Variants in DNAJC1 observed in about 807,000 individuals in gnomAD.
The protein encoded by DNAJC1 is dnaJ homolog subfamily C member 1.
Under a neutral mutation model 76.6 loss-of-function variants are expected in DNAJC1, and 58 were observed. The ratio of observed to expected loss-of-function variants is 0.76; its 90% CI spans 0.61 to 0.94. The LOEUF is 0.94. Ranked by LOEUF, DNAJC1 falls within the 40% of genes least tolerant of loss-of-function variation. The pLI is 0.00. For synonymous variants in DNAJC1, 258 were observed against 267.9 expected, an observed-to-expected ratio of 0.96 and a Z score of 0.36; for missense variants, 689 against 677.3, an observed-to-expected ratio of 1.02 and a Z score of -0.19.
At chr10:21,905,482 T>C (rs571434762) in intron 6 of DNAJC1, among the ~76,000 whole-genome samples, 1 of 152,292 alleles carries the variant, frequency 6.6e-6, no homozygotes, top group Admixed American at 6.5e-5. Flanking sequence ...CTGGCTACAA[T>C]ATTGTACTTC....
At chr10:21,899,121 T>C (rs1300940587) in intron 7 of DNAJC1, among the ~76,000 whole-genome samples, 3 of 152,052 alleles carry the variant, frequency 2.0e-5, no homozygotes, top group African/African-American at 7.2e-5. Context: ...CTCTCACATA[T>C]CTATGCAATC....
At chr10:21,782,858 T>C (rs1834551340) in intron 9 of DNAJC1, among the ~76,000 whole-genome samples, 1 of 152,208 alleles carries the variant, frequency 6.6e-6, no homozygotes, top group South Asian at 2.1e-4. Flanking sequence ...CAACCCTTCA[T>C]GCTAAAAACT....
At chr10:21,939,963 A>G (rs536399963) in intron 1 of DNAJC1, among the ~76,000 whole-genome samples, 7 of 149,516 alleles carry the variant, frequency 4.7e-5, no homozygotes, top group South Asian at 4.2e-4. Flanking sequence ...AAAAAAAAAA[A>G]GCAGCAAAAA....
intron 1 of DNAJC1, among the ~76,000 whole-genome samples, chr10:21,936,618 A>C (rs889440937): frequency 6.6e-6 from 1 of 152,106 alleles, no homozygotes. Flanking sequence ...AACATTTTTT[A>C]TTTTCTTTGT....
intron 9 of DNAJC1, among the ~76,000 whole-genome samples, chr10:21,790,155 A>G (rs1238647961): frequency 6.6e-6 from 1 of 151,250 alleles, no homozygotes; most frequent in Non-Finnish European, 1.5e-5. Context: ...AAAAATCAAA[A>G]AAGTAAAAAA....
intron 8 of DNAJC1, among the ~76,000 whole-genome samples, chr10:21,834,864 G>A (rs1156770621): frequency 2.0e-5 from 3 of 152,228 alleles, no homozygotes. Context: ...ACAGCTCAAG[G>A]ACGCCTGCCT....
intron 8 of DNAJC1, among the ~76,000 whole-genome samples, chr10:21,827,547 A>T (rs749193246): frequency 1.3e-5 from 2 of 152,182 alleles, no homozygotes; most frequent in Non-Finnish European, 2.9e-5. Flanking sequence ...TCTGTTCCAC[A>T]ACTCTCTCCT....
At chr10:21,811,103 C>T (rs1004450848) in intron 8 of DNAJC1, among the ~76,000 whole-genome samples, 2 of 152,144 alleles carry the variant, frequency 1.3e-5, no homozygotes, top group Non-Finnish European at 2.9e-5. Context: ...TGACCTCCTC[C>T]GCTGAGGAGA....
chr10:21,852,266 C>T (rs1459792248), intron 8 of DNAJC1, among the ~76,000 whole-genome samples: 2 of 151,922 alleles, frequency 1.3e-5, no homozygotes, highest in South Asian at 2.1e-4. Flanking sequence ...ATATTCAGAA[C>T]AGGTAAATTC....
chr10:21,832,707 T>C (rs867573780), intron 8 of DNAJC1, among the ~76,000 whole-genome samples: 4 of 152,204 alleles, frequency 2.6e-5, no homozygotes, highest in South Asian at 2.1e-4. Flanking sequence ...ACTAAGACTA[T>C]TGCAAAAATC....
chr10:21,923,240 T>C (rs989860740), intron 3 of DNAJC1, among the ~76,000 whole-genome samples: 3 of 151,942 alleles, frequency 2.0e-5, no homozygotes, highest in African/African-American at 7.2e-5. Context: ...TGAACTATAT[T>C]ATAGCTCACA....
At chr10:21,817,416 C>T (rs1000510608) in intron 8 of DNAJC1, among the ~76,000 whole-genome samples, 1 of 151,994 alleles carries the variant, frequency 6.6e-6, no homozygotes, top group Non-Finnish European at 1.5e-5. Flanking sequence ...GACTTGTAGT[C>T]CTTGTATTTT....
intron 8 of DNAJC1, among the ~76,000 whole-genome samples, chr10:21,817,159 CAAAAAA>C (rs1194285168): frequency 3.3e-5 from 2 of 59,906 alleles, no homozygotes; most frequent in African/African-American, 1.4e-4. Context: ...GATTCCGTCT[CAAAAAA>C]AAAAAAAAAA....
intron 7 of DNAJC1, among the ~76,000 whole-genome samples, chr10:21,902,123 C>T (rs540395524): frequency 6.6e-6 from 1 of 152,076 alleles, no homozygotes; most frequent in Non-Finnish European, 1.5e-5. Context: ...TGCAAGATAA[C>T]AATCTTATTA....
chr10:21,849,939 C>G (rs1835726393), intron 8 of DNAJC1, among the ~76,000 whole-genome samples: 1 of 152,004 alleles, frequency 6.6e-6, no homozygotes, highest in Admixed American at 6.6e-5. Context: ...TTAAAACACC[C>G]AATAAAGTAG....
rs766911940 is a variant in DNAJC1, at chr10:22,003,200, C to T, written c.222+13G>A. 6.5e-7 allele frequency: 1 copy of T among 1,539,396 alleles called. No homozygotes were observed. Among genetic ancestry groups the T allele is most frequent in the Admixed American group, 1.9e-5 (1 of 51,780 alleles). ...GCCCCTCTCCGCCCGGCCCCGCGCG[C>T]CTCCTTGCTTACCTGCTGCACCCCG... On this transcript the variant is annotated intron_variant, in intron 1 of 11. Transcript: ENST00000376980.
intron 9 of DNAJC1, among the ~76,000 whole-genome samples, chr10:21,784,509 A>T (rs188829201): frequency 6.6e-6 from 1 of 152,356 alleles, no homozygotes; most frequent in East Asian, 1.9e-4. Context: ...TCAAGGATCT[A>T]GAACTAGAAA....
At chr10:21,772,142 G>A (rs191790367) in intron 9 of DNAJC1, among the ~76,000 whole-genome samples, 1 of 151,896 alleles carries the variant, frequency 6.6e-6, no homozygotes, top group Non-Finnish European at 1.5e-5. Flanking sequence ...CAGTTTGGTG[G>A]TATTTTTTGA....
chr10:21,865,905 T>C (rs2131703146), intron 8 of DNAJC1: 1 of 151,818 alleles, frequency 6.6e-6, no homozygotes, highest in South Asian at 2.1e-4. Flanking sequence ...GAAGCCAAGG[T>C]GGATGGATCA....
Sources: allele counts gnomAD v4.1 joint callset (sites outside exome capture counted in the v4.1 genomes callset), GRCh38; gene constraint gnomAD v4.1.1; transcripts MANE v1.5; gene names NCBI Gene and HGNC (gene_info 2026-07-23, HGNC 2026-07-21).